Variants in TAF12 observed in about 807,000 individuals in gnomAD.
TAF12 encodes the protein transcription initiation factor TFIID subunit 12.
Under a neutral mutation model 20.8 loss-of-function variants are expected in TAF12, and 3 were observed. That is an observed-to-expected ratio of 0.14 (90% CI 0.07 to 0.37). TAF12 has a LOEUF of 0.37. Among genes scored for constraint, TAF12 ranks in the 10% least tolerant of loss-of-function variants. The pLI is 1.00. For missense variants in TAF12, 131 were observed against 197.9 expected (o/e 0.66, Z 2.03); for synonymous variants, 69 against 70.2 (o/e 0.98, Z 0.09).
intron 3 of TAF12, 28 bp from the exon 4 acceptor site, chr1:28,613,389 G>C: frequency 6.3e-7 from 1 of 1,577,130 alleles, no homozygotes; most frequent in Non-Finnish European, 8.6e-7. Context: ...GGAAGAGTCA[G>C]CACGACATTG....
At chr1:28,619,869 G>A (rs1353497409) in intron 2 of TAF12, among the ~76,000 whole-genome samples, 1 of 151,160 alleles carries the variant, frequency 6.6e-6, no homozygotes, top group African/African-American at 2.4e-5. Context: ...AGAATAGCTT[G>A]AATTGGGAGG....
chr1:28,632,876 A>AT (rs1463726290), intron 1 of TAF12, among the ~76,000 whole-genome samples: 1 of 151,816 alleles, frequency 6.6e-6, no homozygotes. Flanking sequence ...AAAAATATGT[A>AT]TTTTTTTGGT....
At chr1:28,623,487 AAAATAAAT>A (rs35847599) in intron 1 of TAF12, among the ~76,000 whole-genome samples, 2 of 149,628 alleles carry the variant, frequency 1.3e-5, no homozygotes, top group Non-Finnish European at 3.0e-5. Flanking sequence ...AATAATAATA[AAAATAAAT>A]AAATAAATAA....
intron 1 of TAF12, among the ~76,000 whole-genome samples, chr1:28,637,285 G>A (rs879607833): frequency 3.3e-4 from 50 of 151,988 alleles, no homozygotes; most frequent in Admixed American, 3.1e-3. Context: ...TGTCACCCAG[G>A]CTCGAGCGCA....
chr1:28,626,038 C>G (rs1049066505), intron 1 of TAF12, among the ~76,000 whole-genome samples: 1 of 151,354 alleles, frequency 6.6e-6, no homozygotes, highest in Non-Finnish European at 1.5e-5. Context: ...TGGAGTGCAG[C>G]GGTGTGATCT....
intron 1 of TAF12, among the ~76,000 whole-genome samples, chr1:28,627,883 C>A (rs988763434): frequency 1.3e-5 from 2 of 151,984 alleles, no homozygotes; most frequent in Non-Finnish European, 2.9e-5. Context: ...TAACCAGACA[C>A]CCCCTGGTGC....
Position 28,639,317 on chromosome 1 carries a change from G to A in TAF12, c.-85+3675C>T, listed in dbSNP as rs539199788. Among the ~76,000 whole-genome samples, 14 of 151,388 alleles carry A rather than the reference G, an allele frequency of 9.2e-5. No individual in the cohort carries two copies. In the East Asian group the frequency reaches 2.7e-3, roughly 30 times the overall value. On this transcript the variant is annotated intron_variant, in intron 1 of 5. Transcript: ENST00000373824. ...TGTAATCCCAGCTACATGGGAGGCT[G>A]AGGCAGGAGAATCGCTTGAACCCGG...
intron 3 of TAF12, among the ~76,000 whole-genome samples, chr1:28,616,737 A>AAAAT (rs202164078): frequency 1.1e-3 from 173 of 151,824 alleles, no homozygotes; most frequent in East Asian, 0.01. Context: ...CTGTCTCAAA[A>AAAAT]AAATAAATAA....
intron 1 of TAF12, among the ~76,000 whole-genome samples, chr1:28,626,921 A>T (rs988995107): frequency 5.9e-5 from 9 of 151,330 alleles, no homozygotes; most frequent in Non-Finnish European, 7.4e-5. Context: ...CAAAAAAAAA[A>T]TTTTTTTTTT....
chr1:28,623,290 G>A (rs1427207525), intron 1 of TAF12, among the ~76,000 whole-genome samples: 1 of 152,016 alleles, frequency 6.6e-6, no homozygotes, highest in African/African-American at 2.4e-5. Context: ...GGGAGGCCGA[G>A]GTGGGTGGAT....
At chr1:28,608,925 G>A (rs1335023663) in intron 4 of TAF12, among the ~76,000 whole-genome samples, 2 of 151,822 alleles carry the variant, frequency 1.3e-5, no homozygotes, top group Non-Finnish European at 2.9e-5. Flanking sequence ...TGGGCAAAAA[G>A]AGTGAAATTC....
At chr1:28,609,717 C>T (rs148055241) in intron 4 of TAF12, among the ~76,000 whole-genome samples, 1 of 151,420 alleles carries the variant, frequency 6.6e-6, no homozygotes, top group African/African-American at 2.4e-5. Flanking sequence ...GAACACCTGA[C>T]CTCAGGTGAC....
intron 2 of TAF12, among the ~76,000 whole-genome samples, chr1:28,620,752 T>C (rs1667195708): frequency 6.6e-6 from 1 of 152,182 alleles, no homozygotes; most frequent in Admixed American, 6.5e-5. Flanking sequence ...AATTTGAGGC[T>C]ACAGTGAGCT....
intron 2 of TAF12, among the ~76,000 whole-genome samples, chr1:28,618,873 G>T (rs556202302): frequency 6.6e-6 from 1 of 152,046 alleles, no homozygotes; most frequent in South Asian, 2.1e-4. Context: ...TGTTACATAC[G>T]TATGCCATTA....
chr1:28,609,729 C>T (rs964501271), intron 4 of TAF12, among the ~76,000 whole-genome samples: 1 of 149,804 alleles, frequency 6.7e-6, no homozygotes, highest in Non-Finnish European at 1.5e-5. Flanking sequence ...TCAGGTGACC[C>T]GCCCACCTTG....
intron 1 of TAF12, among the ~76,000 whole-genome samples, chr1:28,642,387 G>T (rs1668065959): frequency 1.3e-5 from 2 of 152,040 alleles, no homozygotes; most frequent in South Asian, 4.1e-4. Context: ...TGGTCCCTTA[G>T]ATCCAAGGCT....
At chr1:28,639,272 C>T (rs1033337840) in intron 1 of TAF12, among the ~76,000 whole-genome samples, 2 of 151,302 alleles carry the variant, frequency 1.3e-5, no homozygotes, top group Non-Finnish European at 2.9e-5. Flanking sequence ...AAAAATTAGC[C>T]AGGCATGGTG....
intron 1 of TAF12, among the ~76,000 whole-genome samples, chr1:28,632,020 A>C (rs1372236350): frequency 2.6e-5 from 4 of 152,232 alleles, no homozygotes; most frequent in Non-Finnish European, 5.9e-5. Context: ...ATTCACACAA[A>C]AATCTGTTCA....
chr1:28,642,627 G>T (rs920666377), intron 1 of TAF12: 3 of 984,448 alleles, frequency 3.0e-6, no homozygotes, highest in South Asian at 4.7e-5. Context: ...CCTCTTAGGA[G>T]CCCAAGTCCT....
Sources: allele counts gnomAD v4.1 joint callset (sites outside exome capture counted in the v4.1 genomes callset), GRCh38; gene constraint gnomAD v4.1.1; transcripts MANE v1.5; gene names NCBI Gene and HGNC (gene_info 2026-07-23, HGNC 2026-07-21).